SMC5: variants seen among roughly 807,000 people sequenced by gnomAD.
SMC5 encodes structural maintenance of chromosomes protein 5.
A neutral mutation model predicts 148.3 loss-of-function variants in SMC5; 88 were observed. The ratio of observed to expected loss-of-function variants is 0.59; its 90% CI spans 0.50 to 0.71. The LOEUF is 0.71. Among genes scored for constraint, SMC5 ranks in the 30% least tolerant of loss-of-function variants. The pLI is 0.00. For synonymous variants in SMC5, 421 were observed against 432.8 expected, an observed-to-expected ratio of 0.97 and a Z score of 0.34; for missense variants, 1,142 against 1,298.9, an observed-to-expected ratio of 0.88 and a Z score of 1.86.
chr9:70,320,543 G>T (rs918349198), intron 15 of SMC5, among the ~76,000 whole-genome samples: 8 of 151,990 alleles, frequency 5.3e-5, no homozygotes, highest in Admixed American at 5.2e-4. Flanking sequence ...CATTTATGTT[G>T]TATTAGGTAT....
intron 7 of SMC5, among the ~76,000 whole-genome samples, chr9:70,285,559 A>G (rs937179130): frequency 6.6e-6 from 1 of 152,240 alleles, no homozygotes; most frequent in Non-Finnish European, 1.5e-5. Flanking sequence ...CAGTTAGGAA[A>G]TGGTAGAAAC....
chr9:70,339,373 G>C (rs1297671602), intron 17 of SMC5, among the ~76,000 whole-genome samples: 1 of 149,552 alleles, frequency 6.7e-6, no homozygotes, highest in African/African-American at 2.5e-5. Flanking sequence ...AGCTTGCAGT[G>C]AGCCGAGATC....
intron 10 of SMC5, among the ~76,000 whole-genome samples, chr9:70,303,430 A>C (rs1490759247): frequency 6.6e-6 from 1 of 152,118 alleles, no homozygotes; most frequent in Non-Finnish European, 1.5e-5. Context: ...CCAATAAAGT[A>C]ATTTAGTACC....
At chr9:70,301,937 C>T (rs1283881643) in intron 10 of SMC5, among the ~76,000 whole-genome samples, 2 of 152,202 alleles carry the variant, frequency 1.3e-5, no homozygotes, top group Non-Finnish European at 2.9e-5. Flanking sequence ...CTATATCTAC[C>T]TATCTTTATC....
At chr9:70,285,596 A>G (rs186715960) in intron 7 of SMC5, among the ~76,000 whole-genome samples, 112 of 152,358 alleles carry the variant, frequency 7.4e-4, no homozygotes, top group African/African-American at 2.5e-3. Context: ...TTTCCAGACA[A>G]CAACCAAGGA....
rs540876895 is a variant in SMC5, at chr9:70,344,738, A to G, written c.2523+469A>G. 3.3e-5 allele frequency: 5 copies of G among 152,210 alleles called. No individual in the cohort carries two copies. In the East Asian group the frequency reaches 7.7e-4, roughly 24 times the overall value. 9.4% of individuals were successfully genotyped at this position (152,210 alleles called of 1,614,324 possible). ...TTTTATCCTGACATACCACTCAGTAAAATTAGGAGATGCTGCCCTTTAGTC... is the reference window on the plus strand; with the variant it reads ...TTTTATCCTGACATACCACTCAGTAGAATTAGGAGATGCTGCCCTTTAGTC... On this transcript the variant is annotated intron_variant, in intron 18 of 24. Transcript: ENST00000361138.
intron 15 of SMC5, among the ~76,000 whole-genome samples, chr9:70,321,504 C>T (rs573693144): frequency 8.6e-5 from 13 of 151,318 alleles, no homozygotes; most frequent in Admixed American, 2.6e-4. Flanking sequence ...GCAATCCTCA[C>T]GCCTCAGCCT....
chr9:70,342,516 A>C (rs1314625751), intron 17 of SMC5, among the ~76,000 whole-genome samples: 1 of 152,082 alleles, frequency 6.6e-6, no homozygotes, highest in Admixed American at 6.5e-5. Flanking sequence ...TTTTTGTGCC[A>C]ACCAGAGTTT....
At chr9:70,320,263 A>C (rs2035909690) in intron 15 of SMC5, among the ~76,000 whole-genome samples, 1 of 152,222 alleles carries the variant, frequency 6.6e-6, no homozygotes, top group African/African-American at 2.4e-5. Flanking sequence ...ACCACAGATC[A>C]AAAATATTCA....
intron 10 of SMC5, among the ~76,000 whole-genome samples, chr9:70,302,110 C>T (rs781546581): frequency 7.9e-5 from 12 of 152,166 alleles, no homozygotes; most frequent in Non-Finnish European, 1.2e-4. Context: ...CCATGGCTCA[C>T]GCCTGTAATC....
intron 17 of SMC5, among the ~76,000 whole-genome samples, chr9:70,328,494 A>G (rs2036142958): frequency 6.6e-6 from 1 of 152,210 alleles, no homozygotes; most frequent in Non-Finnish European, 1.5e-5. Context: ...ATGCTCCCAA[A>G]AAGTCTTTGA....
At chr9:70,326,277 G>A (rs1000254944) in intron 17 of SMC5, among the ~76,000 whole-genome samples, 1 of 152,116 alleles carries the variant, frequency 6.6e-6, no homozygotes, top group Non-Finnish European at 1.5e-5. Flanking sequence ...GGACTGTGGT[G>A]ATGTTTACAT....
At chr9:70,299,702 A>G (rs1318812248) in intron 9 of SMC5, among the ~76,000 whole-genome samples, 2 of 151,574 alleles carry the variant, frequency 1.3e-5, no homozygotes, top group African/African-American at 4.8e-5. Context: ...TTCTAGAATG[A>G]AAATATTAAT....
Position 70,318,983 on chromosome 9 carries a change from G to C in SMC5, c.2150+20G>C, listed in dbSNP as rs146029239. On this transcript the variant is annotated intron_variant, in intron 15 of 24. Coordinates refer to ENST00000361138, the MANE Select transcript of SMC5 (RefSeq NM_015110.4). Reference sequence around the variant, plus strand: ...AGGAAGGTATCTTTTAGCCTATTCAGGGGGGAGAGCACAAATTACTGTATG... The same window carrying C: ...AGGAAGGTATCTTTTAGCCTATTCACGGGGGAGAGCACAAATTACTGTATG... The C allele has an allele frequency of 4.0e-5, 63 of 1,584,774 alleles. 1 individual carries two copies. The African/African-American group carries it at 8.1e-4, about 20-fold the overall frequency.
intron 11 of SMC5, among the ~76,000 whole-genome samples, chr9:70,306,823 A>G (rs1211430554): frequency 2.6e-5 from 4 of 152,110 alleles, no homozygotes; most frequent in Non-Finnish European, 5.9e-5. Flanking sequence ...TTTCTCCTAT[A>G]TCTGTGACTT....
chr9:70,339,195 C>T (rs1049763017), intron 17 of SMC5, among the ~76,000 whole-genome samples: 16 of 151,954 alleles, frequency 1.1e-4, no homozygotes, highest in Admixed American at 3.9e-4. Context: ...TTTGGGAGGC[C>T]GAGGTGGGTG....
Position 70,348,028 on chromosome 9 carries a change from C to A in SMC5, c.2879C>A (p.Thr960Lys). 6.4e-7 allele frequency: 1 copy of A among 1,572,702 alleles called. No homozygotes were observed. Among genetic ancestry groups the A allele is most frequent in the Non-Finnish European group, 8.6e-7 (1 of 1,166,764 alleles). ...TGTGCTGGTGAAGTTGATCTCCATA[C>A]AGAAAATGAGGTAAAATTGCATTTG... The part of the protein sequence containing the change: ...MQCAGEVDLH[T>K]ENEEDYDKYG... The change falls in exon 22 of 25, where the codon ACA becomes AAA. Residue 960 changes from threonine to lysine, a missense_variant. Thr to Lys is a moderately conservative substitution (Grantham distance 78). Coordinates refer to ENST00000361138, the MANE Select transcript of SMC5 (RefSeq NM_015110.4).
At chr9:70,349,912 C>T (rs1188436387) in intron 22 of SMC5, among the ~76,000 whole-genome samples, 4 of 151,822 alleles carry the variant, frequency 2.6e-5, no homozygotes, top group African/African-American at 9.7e-5. Context: ...CTTTGAAAAC[C>T]CTTAAAGCTT....
chr9:70,321,589 T>C (rs1223922305), intron 15 of SMC5, among the ~76,000 whole-genome samples: 1 of 151,842 alleles, frequency 6.6e-6, no homozygotes, highest in African/African-American at 2.4e-5. Context: ...GCTATGTTGC[T>C]GGGGCTGGTC....
Sources: allele counts gnomAD v4.1 joint callset (sites outside exome capture counted in the v4.1 genomes callset), GRCh38; gene constraint gnomAD v4.1.1; transcripts MANE v1.5; gene names NCBI Gene and HGNC (gene_info 2026-07-23, HGNC 2026-07-21).